The following LIMS2 variants were observed in gnomAD, a reference collection of about 807,000 sequenced individuals.
LIMS2 encodes the protein LIM zinc finger domain containing 2.
LIMS2 carries 30 observed loss-of-function variants against 45.3 expected under a neutral mutation model. The ratio of observed to expected loss-of-function variants is 0.66; its 90% confidence interval spans 0.50 to 0.90. The LOEUF (loss-of-function observed/expected upper bound fraction) is 0.90. Ranked by LOEUF, LIMS2 falls within the 40% of genes least tolerant of loss-of-function variation. The pLI, the probability that LIMS2 is intolerant of heterozygous loss-of-function variation, is 0.00. For synonymous variants in LIMS2, 173 were observed against 188.0 expected (o/e 0.92, Z 0.65); for missense variants, 485 against 468.7 (o/e 1.03, Z -0.32).
chr2:127,673,566 C>A (rs1478716853), intron 1 of LIMS2: 3 of 1,109,358 alleles, frequency 2.7e-6, no homozygotes, highest in Non-Finnish European at 4.0e-6. Flanking sequence ...GCAAGAGGAC[C>A]CTTGCCAGGG....
intron 4 of LIMS2, 100 bp downstream of exon 4, chr2:127,654,324 C>A (rs116001981): frequency 0.034 from 51,539 of 1,537,534 alleles, 1,021 homozygotes; most frequent in Non-Finnish European, 0.04. Context: ...CACCGGGACC[C>A]TTCTGCGCCC....
At position 127,655,546 on chromosome 2, in the gene LIMS2, CTTA is replaced by C. The variant is rs779132672; in HGVS notation, c.172-653_172-651del. ...TTTCCCTGTTCTCTAAAATGAGTGT[CTTA>C]TTAGACTAAACTGGATATAGCCCTA... On this transcript the variant is annotated intron_variant, in intron 2 of 9. Transcript: ENST00000355119. The C allele has an allele frequency of 4.5e-4, 71 of 157,052 alleles. 1 individual carries two copies. The highest frequency in any genetic ancestry group is 6.6e-3 in the Middle Eastern group (2 of 304). The allele number at this position is 157,052 out of a possible 1,614,324, so 9.7% of individuals were successfully genotyped here.
At chr2:127,651,682 G>T (rs767838256) in intron 4 of LIMS2, 13 of 1,613,290 alleles carry the variant, frequency 8.1e-6, no homozygotes, top group Admixed American at 1.7e-5. Flanking sequence ...TGTGGCAAAA[G>T]GCTCAAGGGC....
At chr2:127,661,303 A>G (rs1343636290) in intron 1 of LIMS2, among the ~76,000 whole-genome samples, 1 of 152,216 alleles carries the variant, frequency 6.6e-6, no homozygotes, top group Non-Finnish European at 1.5e-5. Flanking sequence ...CGAGGAGCCA[A>G]AGTGAATGAA....
exon 1 of LIMS2, chr2:127,681,461 G>T (rs1043831969): frequency 6.6e-6 from 1 of 152,546 alleles, no homozygotes; most frequent in African/African-American, 2.4e-5. Context: ...GGAGTGTCCG[G>T]CCACCACGGG....
intron 7 of LIMS2, 49 bp downstream of exon 7, chr2:127,640,847 T>C: frequency 6.4e-7 from 1 of 1,554,508 alleles, no homozygotes; most frequent in East Asian, 2.2e-5. Context: ...GCAGCTCTCC[T>C]GGCCACCCCT....
chr2:127,651,116 C>T (rs772911552), intron 4 of LIMS2: 13 of 1,613,486 alleles, frequency 8.1e-6, no homozygotes, highest in Admixed American at 3.3e-5. Context: ...GCATCAGCGC[C>T]GACCGTTTCC....
In LIMS2 at chr2:127,671,829, C is replaced by T; in HGVS notation, c.11+3185G>A. On this transcript the variant is annotated intron_variant, in intron 1 of 9. Coordinates refer to ENST00000355119, the MANE Select transcript of LIMS2 (RefSeq NM_001161403.3). This position sits in a 1 kb window ranked among gnomAD's most constrained non-coding sequence, Gnocchi z 4.1. ...AGTGGTGCCACATCACAAGCCACAT[C>T]ACTTGTTACCCACTTTACAGTTTGC... Among the ~76,000 whole-genome samples the T allele has an allele frequency of 6.6e-6, 1 of 152,260 alleles. No individual in the cohort carries two copies. Among genetic ancestry groups the T allele is most frequent in the Non-Finnish European group, 1.5e-5 (1 of 68,044 alleles).
chr2:127,660,759 C>T (rs950450222), intron 1 of LIMS2, among the ~76,000 whole-genome samples: 1 of 152,226 alleles, frequency 6.6e-6, no homozygotes, highest in Non-Finnish European at 1.5e-5. Flanking sequence ...ACCTGGTCAA[C>T]CTGACAGCAG....
Position 127,639,230 on chromosome 2 carries a change from G to C in LIMS2, c.*51C>G, listed in dbSNP as rs758031220. The C allele has an allele frequency of 1.3e-6, 2 of 1,596,944 alleles. No individual in the cohort carries two copies. Among genetic ancestry groups the C allele is most frequent in the Non-Finnish European group, 1.7e-6 (2 of 1,169,774 alleles). On this transcript the variant is annotated 3_prime_UTR_variant, in exon 10 of 10. Transcript: ENST00000355119. The stretch of plus-strand genomic sequence containing the variant: ...GGGACGAGGGGGCCAAGCATGGACA[G>C]CAGGAGGGGAGAAGGCGGAGGGGCC...
chr2:127,674,452 A>C (rs1289059684), intron 1 of LIMS2: 1 of 196,854 alleles, frequency 5.1e-6, no homozygotes, highest in Non-Finnish European at 9.2e-6. Context: ...GCCTGAGAGC[A>C]GAGGGTGGGC....
intron 4 of LIMS2, chr2:127,643,298 T>C: frequency 3.4e-6 from 2 of 588,398 alleles, no homozygotes; most frequent in African/African-American, 1.8e-5. Flanking sequence ...GCCAGAATGC[T>C]CGAGGTTACT....
At chr2:127,666,445 C>A (rs1248026604) in intron 1 of LIMS2, among the ~76,000 whole-genome samples, 1 of 136,638 alleles carries the variant, frequency 7.3e-6, no homozygotes, top group African/African-American at 3.0e-5. Flanking sequence ...GTCCCTTATT[C>A]CTGCTCCCTA....
At chr2:127,673,590 C>T (rs139297908) in intron 1 of LIMS2, 9 of 1,345,596 alleles carry the variant, frequency 6.7e-6, no homozygotes, top group Non-Finnish European at 9.4e-6. Context: ...AGTGGCACCT[C>T]GGGGCCTCCC....
At chr2:127,652,054 T>C (rs936881523) in intron 4 of LIMS2, 1 of 396,402 alleles carries the variant, frequency 2.5e-6, no homozygotes, top group Non-Finnish European at 4.7e-6. Flanking sequence ...AATGGAGGCC[T>C]TTCTTTCCCG....
chr2:127,642,957 A>G lies in LIMS2; in HGVS notation c.475T>C (p.Tyr159His). Residue 159 changes from tyrosine (Y) to histidine (H), a missense_variant, in exon 5 of 10, where the codon TAC (tyrosine) becomes CAC (histidine). Coordinates refer to ENST00000355119, the MANE Select transcript of LIMS2 (RefSeq NM_001161403.3). This position sits in a 1 kb window ranked among gnomAD's most constrained non-coding sequence, Gnocchi z 5.3. The stretch of plus-strand genomic sequence containing the variant: ...GTGCAGTTGAAGTGGTCAGGGTGGT[A>G]GGCGTCGCTCCTGAACATGAGGGGC... The part of the protein sequence containing the change: ...EQPLMFRSDA[Y>H]HPDHFNCTHC... The G allele has an allele frequency of 6.4e-7, 1 of 1,567,304 alleles. No individual in the cohort carries two copies. Among genetic ancestry groups the G allele is most frequent in the Non-Finnish European group, 8.6e-7 (1 of 1,156,190 alleles).
At chr2:127,679,315 C>T (rs192235373), upstream of LIMS2, among the ~76,000 whole-genome samples, 32 of 151,880 alleles carry the variant, frequency 2.1e-4, no homozygotes, top group Non-Finnish European at 4.0e-4. This position sits in a 1 kb window ranked among gnomAD's most constrained non-coding sequence, Gnocchi z 5.3. Flanking sequence ...AGAGAAGAGA[C>T]GGCAGTTGGA....
chr2:127,648,695 G>C (rs569788459), intron 4 of LIMS2, among the ~76,000 whole-genome samples: 27 of 152,064 alleles, frequency 1.8e-4, no homozygotes, highest in Non-Finnish European at 3.5e-4. Context: ...GCCAAGGAGA[G>C]AGGATCACTT....
chr2:127,668,770 A>C (rs1213923454), intron 1 of LIMS2, among the ~76,000 whole-genome samples: 1 of 149,186 alleles, frequency 6.7e-6, no homozygotes, highest in African/African-American at 2.4e-5. Flanking sequence ...GCAGTGGTGT[A>C]AGGATAGACA....
Sources: allele counts gnomAD v4.1 joint callset (sites outside exome capture counted in the v4.1 genomes callset), GRCh38; gene constraint gnomAD v4.1.1; non-coding constraint Gnocchi (gnomAD v3.1); transcripts MANE v1.5; gene names NCBI Gene and HGNC (gene_info 2026-07-23, HGNC 2026-07-21).